The following TLNRD1 variants were observed in gnomAD, a reference collection of about 807,000 sequenced individuals.
The protein encoded by TLNRD1 is talin rod domain containing 1.
Under a neutral mutation model 19.5 loss-of-function variants are expected in TLNRD1, and 14 were observed. That is an observed-to-expected ratio of 0.72 (90% CI 0.47 to 1.12). TLNRD1 has a LOEUF of 1.12. Among genes scored for constraint, TLNRD1 ranks in the 50% most tolerant of loss-of-function variants. TLNRD1 has a pLI of 0.00. For missense variants in TLNRD1, 569 were observed against 531.9 expected (o/e 1.07, Z -0.69); for synonymous variants, 345 against 261.7 (o/e 1.32, Z -3.07).
rs944696829 is a variant in TLNRD1, at chr15:81,005,433, T to C, written c.*2073T>C. ...GTAATGATGGAGTTTGATTATATGG[T>C]TCATTTTCATTTATCCTATGCAGAT... On this transcript the variant is annotated 3_prime_UTR_variant, in exon 1 of 1. Coordinates refer to ENST00000267984, the MANE Select transcript of TLNRD1 (RefSeq NM_022566.3). The C allele has an allele frequency of 3.0e-5, 5 of 167,096 alleles. No homozygotes were observed. The highest frequency in any genetic ancestry group is 3.1e-3 in the Middle Eastern group (1 of 318). 10.4% of individuals were successfully genotyped at this position (167,096 alleles called of 1,614,324 possible).
chr15:81,003,482 G>C lies in TLNRD1; in HGVS notation c.*122G>C. 8.9e-7 allele frequency: 1 copy of C among 1,126,554 alleles called. No homozygotes were observed. The highest frequency in any genetic ancestry group is 1.2e-6 in the Non-Finnish European group (1 of 805,614). 69.8% of individuals were successfully genotyped at this position (1,126,554 alleles called of 1,614,324 possible). A position where few individuals can be genotyped will look rare whatever the true frequency, so the allele number is the denominator to read the frequency against. ...CCCCCTACCCTCCCCAACGTTAAATGCTCGAGAGGAATCTTCCACAAGGCA... is the reference window on the plus strand; with the variant it reads ...CCCCCTACCCTCCCCAACGTTAAATCCTCGAGAGGAATCTTCCACAAGGCA... On this transcript the variant is annotated 3_prime_UTR_variant, in exon 1 of 1. Transcript: ENST00000267984.
chr15:81,002,903 G>C lies in TLNRD1; in HGVS notation c.632G>C (p.Arg211Pro). Residue 211 changes from arginine to proline, a missense_variant, in exon 1 of 1, where the codon CGG (arginine) becomes CCG (proline). Arg to Pro is a moderately radical substitution (Grantham distance 103). Transcript: ENST00000267984. ...ASDKSRDRFS[R>P]EQFKLGVKCM... Reference sequence around the variant, plus strand: ...GACAAGTCACGGGACCGCTTTTCGCGGGAGCAGTTCAAGCTGGGCGTCAAG... The same window carrying C: ...GACAAGTCACGGGACCGCTTTTCGCCGGAGCAGTTCAAGCTGGGCGTCAAG... 1 of 1,597,392 alleles carries C rather than the reference G, an allele frequency of 6.3e-7. No homozygotes were observed. Among genetic ancestry groups the C allele is most frequent in the Non-Finnish European group, 8.5e-7 (1 of 1,178,852 alleles).
rs1036334603 is a variant in TLNRD1 at position 81,001,148 on chromosome 15, G to C, written c.-1124G>C. On this transcript the variant is annotated 5_prime_UTR_variant, in exon 1 of 1. Coordinates refer to ENST00000267984, the MANE Select transcript of TLNRD1 (RefSeq NM_022566.3). Reference sequence around the variant, plus strand: ...CTTTCAGTTTCTGCCCGCTCGCTCGGAAGTTGGCGGTTGACAAAAATGGCA... The same window carrying C: ...CTTTCAGTTTCTGCCCGCTCGCTCGCAAGTTGGCGGTTGACAAAAATGGCA... The C allele has an allele frequency of 6.6e-6, 1 of 152,554 alleles. No homozygotes were observed. Among genetic ancestry groups the C allele is most frequent in the Non-Finnish European group, 1.5e-5 (1 of 68,392 alleles). The allele number at this position is 152,554 out of a possible 1,614,324, so 9.5% of individuals were successfully genotyped here. A position where few individuals can be genotyped will look rare whatever the true frequency, so the allele number is the denominator to read the frequency against.
At position 81,003,806 on chromosome 15, in the gene TLNRD1, A is replaced by G. The variant is rs867964431; in HGVS notation, c.*446A>G. On this transcript the variant is annotated 3_prime_UTR_variant, in exon 1 of 1. Transcript: ENST00000267984. ...TGTATGTCTTTTTTTTTTTTAAGCA[A>G]TCGTGTTGAATTAGGAGTATACTTG... The G allele has an allele frequency of 6.0e-6, 1 of 167,968 alleles. No individual in the cohort carries two copies. Among genetic ancestry groups the G allele is most frequent in the Non-Finnish European group, 1.4e-5 (1 of 69,770 alleles). 10.4% of individuals were successfully genotyped at this position (167,968 alleles called of 1,614,324 possible).
Position 81,002,444 on chromosome 15 carries a change from G to A in TLNRD1, c.173G>A (p.Arg58Gln). ...ADLLLLSSEA[R>Q]PVLFEGPASS... ...CTGCTGCTGCTGTCGAGCGAGGCGC[G>A]GCCCGTGCTCTTCGAGGGCCCCGCC... The change falls in exon 1 of 1, where the codon CGG becomes CAG. Residue 58 changes from arginine (R) to glutamine (Q), a missense_variant. By Grantham distance (43) the Arg-to-Gln change is conservative. Coordinates refer to ENST00000267984, the MANE Select transcript of TLNRD1 (RefSeq NM_022566.3). 6.5e-7 allele frequency: 1 copy of A among 1,541,728 alleles called. No individual in the cohort carries two copies. Among genetic ancestry groups the A allele is most frequent in the African/African-American group, 1.4e-5 (1 of 70,656 alleles).
In TLNRD1 at chr15:81,003,359, A is replaced by T; in HGVS notation, c.1088A>T (p.Ter363LeuextTer13). 6.3e-7 allele frequency: 1 copy of T among 1,593,840 alleles called. No homozygotes were observed. The highest frequency in any genetic ancestry group is 8.6e-7 in the Non-Finnish European group (1 of 1,165,248). The change falls in exon 1 of 1, where the codon TAG becomes TTG. Residue 363 changes from the stop codon to leucine (L), a stop_lost. Transcript: ENST00000267984. ...CCAGTGAATTCCAATTCTGTGAATT[A>T]GCACCCCACCCCCATACCCCTTCTT... ...LPPVNSNSVN[*>L]
In TLNRD1 at chr15:81,003,192, G is replaced by A; in HGVS notation, c.921G>A (p.Arg307=). 6.3e-7 allele frequency: 1 copy of A among 1,590,802 alleles called. No homozygotes were observed. The highest frequency in any genetic ancestry group is 1.1e-5 in the South Asian group (1 of 87,832). The change falls in exon 1 of 1, where the codon AGG becomes AGA. Residue 307 remains arginine (R), a synonymous_variant. Coordinates refer to ENST00000267984, the MANE Select transcript of TLNRD1 (RefSeq NM_022566.3). ...SACVLLTQCL[R]DLAQHPDGGA... ...GCGTGCTCCTGACCCAGTGCCTCAG[G>A]GATCTGGCGCAGCACCCCGACGGGG...
Position 81,003,417 on chromosome 15 carries a change from C to G in TLNRD1, c.*57C>G. ...CAGACTAAAGGAAGATACTTACTCT[C>G]TGCCCCTCTCCATTTATACCAAAGA... On this transcript the variant is annotated 3_prime_UTR_variant, in exon 1 of 1. Transcript: ENST00000267984. 6.7e-7 allele frequency: 1 copy of G among 1,492,320 alleles called. No homozygotes were observed. Among genetic ancestry groups the G allele is most frequent in the Non-Finnish European group, 9.0e-7 (1 of 1,110,268 alleles). 92.4% of individuals were successfully genotyped at this position (1,492,320 alleles called of 1,614,324 possible).
In TLNRD1 at chr15:81,001,546, G is replaced by C. The variant is rs574167181; in HGVS notation, c.-726G>C. 6.6e-6 allele frequency: 1 copy of C among 151,836 alleles called. No homozygotes were observed. The highest frequency in any genetic ancestry group is 2.1e-4 in the South Asian group (1 of 4,832). 9.4% of individuals were successfully genotyped at this position (151,836 alleles called of 1,614,324 possible). On this transcript the variant is annotated 5_prime_UTR_variant, in exon 1 of 1. Transcript: ENST00000267984. ...CTCCCGCCCGACTCTGACTCGGCGCGGCCGCGACAGTGCCGGCCACACCCT... is the reference window on the plus strand; with the variant it reads ...CTCCCGCCCGACTCTGACTCGGCGCCGCCGCGACAGTGCCGGCCACACCCT...
At position 81,003,277 on chromosome 15, in the gene TLNRD1, G is replaced by T; in HGVS notation, c.1006G>T (p.Gly336Cys). The change falls in exon 1 of 1, where the codon GGC becomes TGC. Residue 336 changes from glycine (G) to cysteine (C), a missense_variant. Transcript: ENST00000267984. ...GAACTCGGCCTGCGCCGTGTCTGAAGGCTGCACCCTGCTATCTCAGGCTTT... is the reference window on the plus strand; with the variant it reads ...GAACTCGGCCTGCGCCGTGTCTGAATGCTGCACCCTGCTATCTCAGGCTTT... ...LRNSACAVSE[G>C]CTLLSQALRE... 14 of 1,611,368 alleles carry T rather than the reference G, an allele frequency of 8.7e-6. No homozygotes were observed. Among genetic ancestry groups the T allele is most frequent in the Non-Finnish European group, 1.2e-5 (14 of 1,179,300 alleles).
At position 81,003,913 on chromosome 15, in the gene TLNRD1, A is replaced by G. The variant is rs761767340; in HGVS notation, c.*553A>G. On this transcript the variant is annotated 3_prime_UTR_variant, in exon 1 of 1. Transcript: ENST00000267984. ...AGCGTGTGTTTTTTTAATTTACACT[A>G]TAGAGTGATTTTTTTTTCCCCCAAC... is the stretch of plus-strand genomic sequence containing the variant. The G allele has an allele frequency of 1.2e-5, 2 of 165,938 alleles. No individual in the cohort carries two copies. The highest frequency in any genetic ancestry group is 4.9e-5 in the African/African-American group (2 of 40,932). The allele number at this position is 165,938 out of a possible 1,614,324, so 10.3% of individuals were successfully genotyped here.
Position 81,003,599 on chromosome 15 carries a change from G to A in TLNRD1, c.*239G>A. 1 of 450,466 alleles carries A rather than the reference G, an allele frequency of 2.2e-6. No individual in the cohort carries two copies. Among genetic ancestry groups the A allele is most frequent in the Non-Finnish European group, 4.0e-6 (1 of 248,242 alleles). The allele number at this position is 450,466 out of a possible 1,614,324, so 27.9% of individuals were successfully genotyped here. ...GTAGGGACTGGAAGATATGTCATCT[G>A]CTGGTTGTGTTATCACTCCCACCCC... On this transcript the variant is annotated 3_prime_UTR_variant, in exon 1 of 1. Transcript: ENST00000267984.
chr15:81,002,688 C>T lies in TLNRD1; in HGVS notation c.417C>T (p.Gly139=). Residue 139 remains glycine (G), a synonymous_variant, in exon 1 of 1, where the codon GGC becomes GGT. Coordinates refer to ENST00000267984, the MANE Select transcript of TLNRD1 (RefSeq NM_022566.3). ...AAYLAAVATP[G]AQPAQPGLVD... ...ATCTGGCCGCTGTGGCCACGCCGGG[C>T]GCCCAGCCCGCGCAGCCGGGCCTGG... 6.8e-7 allele frequency: 1 copy of T among 1,466,734 alleles called. No homozygotes were observed. The highest frequency in any genetic ancestry group is 8.9e-7 in the Non-Finnish European group (1 of 1,121,606). The allele number at this position is 1,466,734 out of a possible 1,614,324, so 90.9% of individuals were successfully genotyped here.
At position 81,002,481 on chromosome 15, in the gene TLNRD1, C is replaced by T. The variant is rs567059840; in HGVS notation, c.210C>T (p.Ala70=). 113 of 1,501,852 alleles carry T rather than the reference C, an allele frequency of 7.5e-5. 2 individuals are homozygous for T. In the South Asian group the frequency reaches 1.3e-3, roughly 17 times the overall value. The allele number at this position is 1,501,852 out of a possible 1,614,324, so 93.0% of individuals were successfully genotyped here. A position where few individuals can be genotyped will look rare whatever the true frequency, so the allele number is the denominator to read the frequency against. Residue 70 remains alanine (A), a synonymous_variant, in exon 1 of 1, where the codon GCC becomes GCT. Coordinates refer to ENST00000267984, the MANE Select transcript of TLNRD1 (RefSeq NM_022566.3). The part of the protein sequence containing the change: ...VLFEGPASSG[A]GAESFEQCRD... Reference sequence around the variant, plus strand: ...TCGAGGGCCCCGCCTCCTCTGGTGCCGGCGCCGAGTCCTTCGAGCAGTGCC... The same window carrying T: ...TCGAGGGCCCCGCCTCCTCTGGTGCTGGCGCCGAGTCCTTCGAGCAGTGCC...
rs1295754462 is a variant in TLNRD1, at chr15:81,005,753, T to C, written c.*2393T>C. ...GTTTGGTCATGTAACATGCATAATC[T>C]CTGTTCTCTGAAGTTGATTAAAGTT... On this transcript the variant is annotated 3_prime_UTR_variant, in exon 1 of 1. Coordinates refer to ENST00000267984, the MANE Select transcript of TLNRD1 (RefSeq NM_022566.3). The C allele has an allele frequency of 1.2e-5, 2 of 167,120 alleles. No homozygotes were observed. Among genetic ancestry groups the C allele is most frequent in the African/African-American group, 4.8e-5 (2 of 41,462 alleles). 10.4% of individuals were successfully genotyped at this position (167,120 alleles called of 1,614,324 possible). A position where few individuals can be genotyped will look rare whatever the true frequency, so the allele number is the denominator to read the frequency against.
rs1240722431 is a variant in TLNRD1, at chr15:81,001,155, G to A, written c.-1117G>A. 1.3e-5 allele frequency: 2 copies of A among 152,922 alleles called. No homozygotes were observed. The highest frequency in any genetic ancestry group is 2.4e-5 in the African/African-American group (1 of 41,438). 9.5% of individuals were successfully genotyped at this position (152,922 alleles called of 1,614,324 possible). Reference sequence around the variant, plus strand: ...TTTCTGCCCGCTCGCTCGGAAGTTGGCGGTTGACAAAAATGGCAGGAGCCG... The same window carrying A: ...TTTCTGCCCGCTCGCTCGGAAGTTGACGGTTGACAAAAATGGCAGGAGCCG... On this transcript the variant is annotated 5_prime_UTR_variant, in exon 1 of 1. Transcript: ENST00000267984.
Position 81,002,692 on chromosome 15 carries a change from C to A in TLNRD1, c.421C>A (p.Gln141Lys). 2 of 1,476,022 alleles carry A rather than the reference C, an allele frequency of 1.4e-6. No homozygotes were observed. The highest frequency in any genetic ancestry group is 2.7e-5 in the South Asian group (2 of 75,002). 91.4% of individuals were successfully genotyped at this position (1,476,022 alleles called of 1,614,324 possible). The change falls in exon 1 of 1, where the codon CAG becomes AAG. Residue 141 changes from glutamine (Q) to lysine (K), a missense_variant. Coordinates refer to ENST00000267984, the MANE Select transcript of TLNRD1 (RefSeq NM_022566.3). The part of the protein sequence containing the change: ...YLAAVATPGA[Q>K]PAQPGLVDRY... ...GGCCGCTGTGGCCACGCCGGGCGCC[C>A]AGCCCGCGCAGCCGGGCCTGGTGGA...
rs1893451572 is a variant in TLNRD1, at chr15:81,003,473, A to G, written c.*113A>G. The G allele has an allele frequency of 8.7e-7, 1 of 1,144,478 alleles. No homozygotes were observed. Among genetic ancestry groups the G allele is most frequent in the African/African-American group, 1.6e-5 (1 of 63,814 alleles). The allele number at this position is 1,144,478 out of a possible 1,614,324, so 70.9% of individuals were successfully genotyped here. On this transcript the variant is annotated 3_prime_UTR_variant, in exon 1 of 1. Transcript: ENST00000267984. Reference sequence around the variant, plus strand: ...TAGGTGAAACCCCCTACCCTCCCCAACGTTAAATGCTCGAGAGGAATCTTC... The same window carrying G: ...TAGGTGAAACCCCCTACCCTCCCCAGCGTTAAATGCTCGAGAGGAATCTTC...
Position 81,003,328 on chromosome 15 carries a change from T to G in TLNRD1, c.1057T>G (p.Leu353Val), listed in dbSNP as rs890231934. 5 of 1,603,006 alleles carry G rather than the reference T, an allele frequency of 3.1e-6. No individual in the cohort carries two copies. Among genetic ancestry groups the G allele is most frequent in the Non-Finnish European group, 4.3e-6 (5 of 1,171,928 alleles). ...AAGGGAGAGGTCTTCGCCCAGGACT[T>G]TACCGCCAGTGAATTCCAATTCTGT... The part of the protein sequence containing the change: ...ALRERSSPRT[L>V]PPVNSNSVN The change falls in exon 1 of 1, where the codon TTA becomes GTA. Residue 353 changes from leucine (L) to valine (V), a missense_variant. By Grantham distance (32) the Leu-to-Val change is conservative. Coordinates refer to ENST00000267984, the MANE Select transcript of TLNRD1 (RefSeq NM_022566.3).
Sources: allele counts gnomAD v4.1 joint callset, GRCh38; gene constraint gnomAD v4.1.1; transcripts MANE v1.5; gene names NCBI Gene and HGNC (gene_info 2026-07-23, HGNC 2026-07-21).